Variants in PCCA observed in about 807,000 individuals in gnomAD.
PCCA encodes the protein propionyl-CoA carboxylase subunit alpha.
A neutral mutation model predicts 101.3 loss-of-function variants in PCCA; 74 were observed. The ratio of observed to expected loss-of-function variants is 0.73; its 90% CI spans 0.61 to 0.89. The LOEUF is 0.89. Ranked by LOEUF, PCCA falls within the 40% of genes least tolerant of loss-of-function variation. The pLI, the probability that PCCA is intolerant of heterozygous loss-of-function variation, is 0.00. For synonymous variants in PCCA, 294 were observed against 313.6 expected (o/e 0.94, Z 0.66); for missense variants, 891 against 907.0 (o/e 0.98, Z 0.23).
intron 12 of PCCA, among the ~76,000 whole-genome samples, chr13:100,284,668 A>G (rs533349341): frequency 3.0e-4 from 45 of 152,172 alleles, no homozygotes; most frequent in Non-Finnish European, 5.0e-4. Context: ...CAACCCCTAT[A>G]CCCTGCTCTC....
At chr13:100,465,382 G>T (rs1324442773) in intron 21 of PCCA, among the ~76,000 whole-genome samples, 1 of 152,182 alleles carries the variant, frequency 6.6e-6, no homozygotes, top group Non-Finnish European at 1.5e-5. Flanking sequence ...TTGATTATTT[G>T]TGCTAATTAA....
At chr13:100,473,504 T>C (rs1348538848) in intron 21 of PCCA, among the ~76,000 whole-genome samples, 3 of 152,166 alleles carry the variant, frequency 2.0e-5, no homozygotes, top group Non-Finnish European at 2.9e-5. Context: ...TTCCTAAGAA[T>C]TTTCTATTTC....
chr13:100,510,967 G>A (rs566668044), intron 21 of PCCA, among the ~76,000 whole-genome samples: 1 of 152,332 alleles, frequency 6.6e-6, no homozygotes, highest in South Asian at 2.1e-4. Flanking sequence ...TCAATTCTGT[G>A]TATTGTCACT....
At chr13:100,456,421 G>A (rs866825232) in intron 21 of PCCA, among the ~76,000 whole-genome samples, 1 of 152,184 alleles carries the variant, frequency 6.6e-6, no homozygotes, top group Non-Finnish European at 1.5e-5. Context: ...GTGCGGAGAC[G>A]AGAGATTGTA....
At chr13:100,119,928 A>G (rs1328697884) in intron 4 of PCCA, among the ~76,000 whole-genome samples, 2 of 151,840 alleles carry the variant, frequency 1.3e-5, no homozygotes, top group Admixed American at 6.6e-5. Context: ...CTGGAATGCA[A>G]TGGCGCAATC....
chr13:100,250,365 G>A (rs575320874), intron 8 of PCCA, among the ~76,000 whole-genome samples: 1 of 152,178 alleles, frequency 6.6e-6, no homozygotes, highest in Non-Finnish European at 1.5e-5. Context: ...TACATTAATT[G>A]ATTTTTGGAT....
chr13:100,489,867 T>G (rs4772294), intron 21 of PCCA: 53,728 of 152,062 alleles, frequency 0.35, 10,335 homozygotes, highest in East Asian at 0.67. Context: ...TGGGGAAGGT[T>G]GCTTTGCCTC....
intron 21 of PCCA, among the ~76,000 whole-genome samples, chr13:100,494,549 G>A (rs1412206610): frequency 6.6e-6 from 1 of 152,238 alleles, no homozygotes; most frequent in East Asian, 1.9e-4. Flanking sequence ...CAGGCGTGGT[G>A]GTGCACGCCT....
intron 19 of PCCA, among the ~76,000 whole-genome samples, chr13:100,385,588 A>C (rs1293582622): frequency 6.6e-6 from 1 of 152,356 alleles, no homozygotes; most frequent in East Asian, 1.9e-4. Flanking sequence ...TTTGGCAAAA[A>C]TGAAAAATGT....
chr13:100,275,057 G>T (rs1235073559), intron 12 of PCCA, among the ~76,000 whole-genome samples: 2 of 149,386 alleles, frequency 1.3e-5, no homozygotes, highest in African/African-American at 5.0e-5. Flanking sequence ...GGGAGGGGGT[G>T]GGGGGGGAGG....
intron 6 of PCCA, among the ~76,000 whole-genome samples, chr13:100,174,314 A>G (rs985765021): frequency 2.6e-5 from 4 of 151,874 alleles, no homozygotes; most frequent in Non-Finnish European, 5.9e-5. Flanking sequence ...CTCGAGTTTC[A>G]CTGTGAACCA....
At position 100,200,920 on chromosome 13, in the gene PCCA, CTT is replaced by C. The variant is rs2058443300; in HGVS notation, c.469-8410_469-8409del. Among the ~76,000 whole-genome samples, 13 of 152,126 alleles carry C rather than the reference CTT, an allele frequency of 8.5e-5. 1 individual carries two copies. In the South Asian group the frequency reaches 2.7e-3, roughly 32 times the overall value. ...ATTCAAAATTGCAGAACTTTAACCT[CTT>C]TGTTGCCTCTGTGTATCTTCATTCT... On this transcript the variant is annotated intron_variant, in intron 6 of 23. Coordinates refer to ENST00000376285, the MANE Select transcript of PCCA (RefSeq NM_000282.4).
chr13:100,256,346 C>G (rs552090100), intron 8 of PCCA, among the ~76,000 whole-genome samples: 4 of 152,224 alleles, frequency 2.6e-5, no homozygotes, highest in African/African-American at 7.2e-5. Flanking sequence ...AATTATTTTT[C>G]TCTCTACCTC....
intron 19 of PCCA, among the ~76,000 whole-genome samples, chr13:100,425,304 T>TCAC (rs1595859153): frequency 6.6e-6 from 1 of 152,250 alleles, no homozygotes; most frequent in East Asian, 1.9e-4. Context: ...TTGCAAGATG[T>TCAC]CACTGGAATT....
chr13:100,234,834 T>C (rs1312943528), intron 7 of PCCA, among the ~76,000 whole-genome samples: 1 of 151,968 alleles, frequency 6.6e-6, no homozygotes, highest in Non-Finnish European at 1.5e-5. Context: ...CCAGCTGTGG[T>C]TTCAAAACAA....
At chr13:100,171,358 T>C (rs939574548) in intron 6 of PCCA, among the ~76,000 whole-genome samples, 6 of 152,104 alleles carry the variant, frequency 3.9e-5, no homozygotes, top group African/African-American at 1.5e-4. Flanking sequence ...TGATAGGCAC[T>C]GTCCTGAAAG....
intron 21 of PCCA, among the ~76,000 whole-genome samples, chr13:100,499,406 T>G (rs940104806): frequency 2.6e-5 from 4 of 152,242 alleles, no homozygotes; most frequent in African/African-American, 9.6e-5. Flanking sequence ...TTGATGACTT[T>G]TAATGTTTGA....
intron 20 of PCCA, among the ~76,000 whole-genome samples, chr13:100,443,997 T>G (rs547349037): frequency 1.9e-4 from 29 of 152,282 alleles, no homozygotes; most frequent in African/African-American, 7.0e-4. Context: ...AGTTCTTAAC[T>G]GTAAGAACTT....
intron 16 of PCCA, among the ~76,000 whole-genome samples, chr13:100,316,820 C>G (rs1449453974): frequency 6.6e-6 from 1 of 151,778 alleles, no homozygotes; most frequent in Non-Finnish European, 1.5e-5. Flanking sequence ...GTCACCCAGG[C>G]TGGAGTGTAG....
Sources: gnomAD v4.1 joint callset for allele counts (sites outside exome capture counted in the v4.1 genomes callset) on GRCh38, gnomAD v4.1.1 for gene constraint, MANE v1.5 for transcripts, NCBI Gene and HGNC (gene_info 2026-07-23, HGNC 2026-07-21) for gene names.